Variants in SPTB observed in about 807,000 individuals in gnomAD.
SPTB encodes the protein spectrin beta, erythrocytic.
SPTB carries 45 observed loss-of-function variants against 256.2 expected under a neutral mutation model. The ratio of observed to expected loss-of-function variants is 0.18; its 90% CI spans 0.14 to 0.23. The LOEUF (loss-of-function observed/expected upper bound fraction) is 0.23. Ranked by LOEUF, SPTB falls within the 10% of genes least tolerant of loss-of-function variation. The probability of loss-of-function intolerance (pLI) is 1.00; values close to 1 mark genes in which losing one functional copy is unlikely to be tolerated. For synonymous variants in SPTB, 1,231 were observed against 1,243.1 expected (o/e 0.99, Z 0.21); for missense variants, 2,715 against 3,040.4 (o/e 0.89, Z 2.52).
chr14:64,851,558 C>G (rs1183750443), intron 1 of SPTB, among the ~76,000 whole-genome samples: 1 of 152,140 alleles, frequency 6.6e-6, no homozygotes, highest in South Asian at 2.1e-4. Context: ...TGGGCTCATT[C>G]ACTCTTTCCC....
chr14:64,751,462 T>A (rs1420428352), intron 33 of SPTB, among the ~76,000 whole-genome samples: 4 of 152,144 alleles, frequency 2.6e-5, no homozygotes, highest in Non-Finnish European at 5.9e-5. Context: ...AATAGCTATG[T>A]GGAAGACTTT....
intron 13 of SPTB, 76 bp downstream of exon 13, chr14:64,794,391 T>C (rs1277120641): frequency 1.3e-6 from 2 of 1,580,372 alleles, no homozygotes; most frequent in East Asian, 2.2e-5. Flanking sequence ...AGGAGATTTA[T>C]CCAAGTTGGG....
At chr14:64,818,296 C>T (rs1156987560) in intron 2 of SPTB, among the ~76,000 whole-genome samples, 1 of 152,228 alleles carries the variant, frequency 6.6e-6, no homozygotes, top group Non-Finnish European at 1.5e-5. Context: ...CCGGACTGCT[C>T]CCTGCACTGC....
chr14:64,868,664 A>G (rs530467834), intron 1 of SPTB, among the ~76,000 whole-genome samples: 1 of 152,344 alleles, frequency 6.6e-6, no homozygotes, highest in African/African-American at 2.4e-5. Flanking sequence ...AGGAGGGCCC[A>G]GGTCACAGAA....
chr14:64,818,422 AAG>A (rs1341706926), intron 2 of SPTB, among the ~76,000 whole-genome samples: 2 of 151,984 alleles, frequency 1.3e-5, no homozygotes, highest in Non-Finnish European at 2.9e-5. Flanking sequence ...GAGGGGAGGG[AAG>A]AGAGAAAGGG....
At chr14:64,761,292 T>C (rs759653608) in intron 32 of SPTB, among the ~76,000 whole-genome samples, 1 of 152,134 alleles carries the variant, frequency 6.6e-6, no homozygotes, top group Non-Finnish European at 1.5e-5. Context: ...AAATGGTTTG[T>C]TGAGCTGAGG....
At chr14:64,829,836 C>T (rs553330130) in intron 1 of SPTB, among the ~76,000 whole-genome samples, 229 of 152,278 alleles carry the variant, frequency 1.5e-3, no homozygotes, top group South Asian at 8.7e-3. Flanking sequence ...AAGGCCCTTC[C>T]CATTTTCTCC....
At position 64,772,767 on chromosome 14, in the gene SPTB, C is replaced by T. The variant is rs139477432; in HGVS notation, c.5366G>A (p.Arg1789His). 8 of 1,613,826 alleles carry T rather than the reference C, an allele frequency of 5.0e-6. No homozygotes were observed. The highest frequency in any genetic ancestry group is 6.8e-6 in the Non-Finnish European group (8 of 1,180,036). ...ATAGGAGGCGGCCAGCAGCTGCATGCGCGTGTCAATGAGCTCCAGGAGGTC... is the reference window on the plus strand; with the variant it reads ...ATAGGAGGCGGCCAGCAGCTGCATGTGCGTGTCAATGAGCTCCAGGAGGTC... ...WADLLELIDT[R>H]MQLLAASYDL... Residue 1789 changes from arginine to histidine, a missense_variant, in exon 26 of 36, where the codon CGC (arginine) becomes CAC (histidine). By Grantham distance (29) the Arg-to-His change is conservative. Transcript: ENST00000644917. The surrounding 1 kb of genome is among the most constrained non-coding windows in gnomAD (Gnocchi z 5.4).
In SPTB at chr14:64,747,141, G is replaced by T. The variant is rs1178282786; in HGVS notation, c.*2165C>A. On this transcript the variant is annotated 3_prime_UTR_variant, in exon 36 of 36. Coordinates refer to ENST00000644917, the MANE Select transcript of SPTB (RefSeq NM_001355436.2). ...TTCCACTAGAGCCCTTCCTTTCTCG[G>T]GTCTGTGGAGTTGCTTGCTGGAAAT... 1 of 152,556 alleles carries T rather than the reference G, an allele frequency of 6.6e-6. No homozygotes were observed. The highest frequency in any genetic ancestry group is 2.4e-5 in the African/African-American group (1 of 41,456). The allele number at this position is 152,556 out of a possible 1,614,324, so 9.5% of individuals were successfully genotyped here. A position where few individuals can be genotyped will look rare whatever the true frequency, so the allele number is the denominator to read the frequency against.
At chr14:64,861,708 A>G (rs545603904) in intron 1 of SPTB, among the ~76,000 whole-genome samples, 90 of 152,322 alleles carry the variant, frequency 5.9e-4, no homozygotes, top group African/African-American at 2.1e-3. Context: ...AGCAATCTGC[A>G]TTCATTGTCT....
chr14:64,859,706 CTCTCTCTCTCTCTCTATATA>C (rs1341545936), intron 1 of SPTB, among the ~76,000 whole-genome samples: 8 of 27,532 alleles, frequency 2.9e-4, no homozygotes, highest in Non-Finnish European at 2.1e-3. Flanking sequence ...CTCTCTCTCT[CTCTCTCTCTCTCTCTATATA>C]TATATATATA....
rs2082771256 is a variant in SPTB, at chr14:64,796,485, C to A, written c.1341+72G>T. 6.2e-7 allele frequency: 1 copy of A among 1,607,236 alleles called. No individual in the cohort carries two copies. Among genetic ancestry groups the A allele is most frequent in the Admixed American group, 1.7e-5 (1 of 60,006 alleles). On this transcript the variant is annotated intron_variant, in intron 11 of 35. Transcript: ENST00000644917. This position sits in a 1 kb window ranked among gnomAD's most constrained non-coding sequence, Gnocchi z 4.1. ...AGGCTGTGAGAAGCCAGCTTGGACT[C>A]CAGCCCAGCCAAGAGCTGGGGGCTC...
Position 64,758,151 on chromosome 14 carries a change from C to T in SPTB, c.6346-4358G>A, listed in dbSNP as rs547984604. The stretch of plus-strand genomic sequence containing the variant: ...TTATGATCCTTCACCCCTCCCTATC[C>T]ACCCCTGCCTCCCTGGGGCTTTGCC... On this transcript the variant is annotated intron_variant, in intron 32 of 35. Transcript: ENST00000644917. This position sits in a 1 kb window ranked among gnomAD's most constrained non-coding sequence, Gnocchi z 4.6. Among the ~76,000 whole-genome samples the T allele has an allele frequency of 2.6e-4, 40 of 152,228 alleles. No homozygotes were observed. Among genetic ancestry groups the T allele is most frequent in the Non-Finnish European group, 5.1e-4 (35 of 68,044 alleles).
chr14:64,755,062 G>C (rs2082001979), intron 32 of SPTB: 1 of 152,326 alleles, frequency 6.6e-6, no homozygotes, highest in African/African-American at 2.4e-5. Flanking sequence ...GACATCTTCA[G>C]CCAGGAGGTC....
At chr14:64,874,258 C>G (rs1285117967) in intron 1 of SPTB, among the ~76,000 whole-genome samples, 1 of 152,190 alleles carries the variant, frequency 6.6e-6, no homozygotes, top group East Asian at 1.9e-4. Flanking sequence ...TAGGCACTTT[C>G]AAAGGTCTTC....
At chr14:64,794,326 G>A in intron 13 of SPTB, 141 bp downstream of exon 13, 1 of 1,205,838 alleles carries the variant, frequency 8.3e-7, no homozygotes, top group Non-Finnish European at 1.2e-6. Flanking sequence ...GGTCCCTCAA[G>A]CTTCTTTCTT....
chr14:64,808,851 G>A (rs2083035561), intron 2 of SPTB, among the ~76,000 whole-genome samples: 1 of 152,146 alleles, frequency 6.6e-6, no homozygotes, highest in Non-Finnish European at 1.5e-5. Context: ...TCCAGGAAGA[G>A]AGAGGTCATT....
rs180674841 is a variant in SPTB at position 64,815,837 on chromosome 14, G to A, written c.148+7110C>T. Among the ~76,000 whole-genome samples, 79 of 152,320 alleles carry A rather than the reference G, an allele frequency of 5.2e-4. No individual in the cohort carries two copies. In the East Asian group the frequency reaches 0.011, roughly 21 times the overall value. ...TGTCAGAGCTAGAAGGGCTTTGGGC[G>A]TCATCTAGTTCAAGCCCCTGGTGTT... is the stretch of plus-strand genomic sequence containing the variant. On this transcript the variant is annotated intron_variant, in intron 2 of 35. Coordinates refer to ENST00000644917, the MANE Select transcript of SPTB (RefSeq NM_001355436.2).
chr14:64,859,359 T>C (rs976285441), intron 1 of SPTB, among the ~76,000 whole-genome samples: 8 of 152,244 alleles, frequency 5.3e-5, no homozygotes, highest in Admixed American at 1.3e-4. Flanking sequence ...TCTATAGGTA[T>C]GCATATGCGG....
Sources: allele counts gnomAD v4.1 joint callset (sites outside exome capture counted in the v4.1 genomes callset), GRCh38; gene constraint gnomAD v4.1.1; non-coding constraint Gnocchi (gnomAD v3.1); transcripts MANE v1.5; gene names NCBI Gene and HGNC (gene_info 2026-07-23, HGNC 2026-07-21).